The following B3GAT2 variants were observed in gnomAD, a reference collection of about 807,000 sequenced individuals.
B3GAT2 encodes galactosylgalactosylxylosylprotein 3-beta-glucuronosyltransferase 2.
Under a neutral mutation model 27.8 loss-of-function variants are expected in B3GAT2, and 26 were observed. The observed-to-expected ratio is 0.93, with a 90% CI of 0.68 to 1.30. B3GAT2 has a LOEUF of 1.30. Among genes scored for constraint, B3GAT2 ranks in the 50% most tolerant of loss-of-function variants. B3GAT2 has a pLI of 0.00. For missense variants in B3GAT2, 458 were observed against 459.0 expected, an observed-to-expected ratio of 1.00 and a Z score of 0.02; for synonymous variants, 218 against 195.1, an observed-to-expected ratio of 1.12 and a Z score of -0.98.
At chr6:70,875,871 C>G (rs531113679) in intron 2 of B3GAT2, among the ~76,000 whole-genome samples, 2 of 152,280 alleles carry the variant, frequency 1.3e-5, no homozygotes, top group Middle Eastern at 3.4e-3. Context: ...TCATTTAAAT[C>G]TCTACTCTGA....
At chr6:70,863,849 C>G (rs765960674) in intron 2 of B3GAT2, among the ~76,000 whole-genome samples, 1 of 152,006 alleles carries the variant, frequency 6.6e-6, no homozygotes, top group East Asian at 1.9e-4. Context: ...TGGGAAAGTT[C>G]CAGGTAGCAA....
rs1771691050 is a variant in B3GAT2, at chr6:70,860,867, G to A, written c.*796C>T. The A allele has an allele frequency of 1.3e-5, 5 of 393,494 alleles. No homozygotes were observed. The highest frequency in any genetic ancestry group is 4.4e-5 in the Admixed American group (1 of 22,600). The allele number at this position is 393,494 out of a possible 1,614,324, so 24.4% of individuals were successfully genotyped here. A position where few individuals can be genotyped will look rare whatever the true frequency, so the allele number is the denominator to read the frequency against. ...TGTTATGATGTGCTTAACAGGGAAC[G>A]TGATTAGTGAAAGGAAGATAAACGT... is the stretch of plus-strand genomic sequence containing the variant. On this transcript the variant is annotated 3_prime_UTR_variant, in exon 4 of 4. Transcript: ENST00000230053.
At chr6:70,866,038 ACT>A (rs1293199257) in intron 2 of B3GAT2, among the ~76,000 whole-genome samples, 1 of 152,154 alleles carries the variant, frequency 6.6e-6, no homozygotes, top group Non-Finnish European at 1.5e-5. Context: ...AGAAGGAAGA[ACT>A]CTGCTGATCT....
At chr6:70,889,005 G>C (rs1262133136) in intron 2 of B3GAT2, among the ~76,000 whole-genome samples, 1 of 152,174 alleles carries the variant, frequency 6.6e-6, no homozygotes, top group Non-Finnish European at 1.5e-5. Context: ...CTCTCTGCTA[G>C]ATACAAAACT....
chr6:70,935,315 A>G (rs1471516952), intron 1 of B3GAT2, among the ~76,000 whole-genome samples: 1 of 151,932 alleles, frequency 6.6e-6, no homozygotes, highest in Non-Finnish European at 1.5e-5. Context: ...TTAGCCAGGT[A>G]TGGTGGCATG....
chr6:70,875,129 G>C (rs1035814964), intron 2 of B3GAT2, among the ~76,000 whole-genome samples: 2 of 151,962 alleles, frequency 1.3e-5, no homozygotes, highest in African/African-American at 4.8e-5. Context: ...AGAATATTCA[G>C]AAGTCCTTAC....
chr6:70,956,092 C>T lies in B3GAT2; in HGVS notation c.338G>A (p.Trp113Ter). Residue 113 changes from tryptophan (W) to a stop codon, truncating the protein, a stop_gained, in exon 1 of 4, where the codon TGG becomes TAG. Coordinates refer to ENST00000230053, the MANE Select transcript of B3GAT2 (RefSeq NM_080742.3). LOFTEE classifies it high-confidence loss of function. ...NTFRQVAQLHWILVEDAAARS... is the reference protein window; with the variant it reads ...NTFRQVAQLH The stretch of plus-strand genomic sequence containing the variant: ...CGCCGCCGCGTCCTCCACCAGGATC[C>T]AGTGCAGCTGCGCCACCTGGCGGAA... 1 of 1,599,472 alleles carries T rather than the reference C, an allele frequency of 6.3e-7. No individual in the cohort carries two copies. The highest frequency in any genetic ancestry group is 8.5e-7 in the Non-Finnish European group (1 of 1,175,054).
intron 1 of B3GAT2, among the ~76,000 whole-genome samples, chr6:70,906,746 T>G (rs1390651283): frequency 6.6e-6 from 1 of 152,194 alleles, no homozygotes; most frequent in Non-Finnish European, 1.5e-5. Flanking sequence ...TTTCTTATTC[T>G]TTAATCCGAT....
intron 2 of B3GAT2, among the ~76,000 whole-genome samples, chr6:70,880,457 A>C (rs1240567924): frequency 6.6e-6 from 1 of 152,098 alleles, no homozygotes; most frequent in Non-Finnish European, 1.5e-5. Context: ...CTGGCAATGG[A>C]ATCACTCTCA....
chr6:70,917,414 A>G (rs748909058), intron 1 of B3GAT2, among the ~76,000 whole-genome samples: 3 of 150,562 alleles, frequency 2.0e-5, no homozygotes, highest in Non-Finnish European at 4.4e-5. Context: ...TTCTGCTCTG[A>G]TTTATTTCTT....
intron 1 of B3GAT2, among the ~76,000 whole-genome samples, chr6:70,927,556 A>G (rs1009734783): frequency 2.0e-5 from 3 of 152,216 alleles, no homozygotes; most frequent in African/African-American, 7.2e-5. Flanking sequence ...CTTTAAACCA[A>G]CAAAGATCAA....
intron 1 of B3GAT2, among the ~76,000 whole-genome samples, chr6:70,940,182 C>T (rs1422711411): frequency 6.6e-6 from 1 of 152,154 alleles, no homozygotes; most frequent in Non-Finnish European, 1.5e-5. Context: ...CACACACCCA[C>T]ACCCTCTCTC....
chr6:70,873,314 G>C (rs1397406992), intron 2 of B3GAT2, among the ~76,000 whole-genome samples: 2 of 152,152 alleles, frequency 1.3e-5, no homozygotes, highest in African/African-American at 4.8e-5. Context: ...TTGAAGGATA[G>C]TTTTGCTGGA....
Position 70,956,042 on chromosome 6 carries a change from G to T in B3GAT2, c.388C>A (p.Leu130Met). The T allele has an allele frequency of 1.3e-6, 2 of 1,568,546 alleles. No homozygotes were observed. Among genetic ancestry groups the T allele is most frequent in the Non-Finnish European group, 1.7e-6 (2 of 1,164,376 alleles). ...GTGCTGGGCAGCCCGGCCCGCGCCAGGAAGCGGCTCACCAGCTCGCTGCGC... is the reference window on the plus strand; with the variant it reads ...GTGCTGGGCAGCCCGGCCCGCGCCATGAAGCGGCTCACCAGCTCGCTGCGC... ...AARSELVSRF[L>M]ARAGLPSTHL... Residue 130 changes from leucine to methionine, a missense_variant, in exon 1 of 4, where the codon CTG becomes ATG. Leu to Met is a conservative substitution (Grantham distance 15, BLOSUM62 2). Transcript: ENST00000230053.
At chr6:70,914,039 G>A (rs1228876889) in intron 1 of B3GAT2, among the ~76,000 whole-genome samples, 1 of 152,008 alleles carries the variant, frequency 6.6e-6, no homozygotes, top group Admixed American at 6.6e-5. Flanking sequence ...CATTTACTTG[G>A]TAGATTTTTC....
intron 2 of B3GAT2, among the ~76,000 whole-genome samples, chr6:70,889,910 T>G (rs1309372756): frequency 7.2e-5 from 11 of 151,834 alleles, no homozygotes; most frequent in Non-Finnish European, 2.9e-5. Flanking sequence ...GCCTCCTGAG[T>G]AGCTGGGATT....
At chr6:70,939,926 G>T (rs1256634715) in intron 1 of B3GAT2, among the ~76,000 whole-genome samples, 1 of 151,982 alleles carries the variant, frequency 6.6e-6, no homozygotes, top group East Asian at 1.9e-4. Flanking sequence ...ATAAAATGTA[G>T]ATGTCAATTA....
intron 2 of B3GAT2, among the ~76,000 whole-genome samples, chr6:70,868,673 G>A (rs1771889206): frequency 6.6e-6 from 1 of 152,092 alleles, no homozygotes; most frequent in African/African-American, 2.4e-5. Flanking sequence ...CTTGACACAT[G>A]TTTAGTGTTA....
chr6:70,878,031 G>A (rs918079119), intron 2 of B3GAT2, among the ~76,000 whole-genome samples: 1 of 152,076 alleles, frequency 6.6e-6, no homozygotes, highest in Non-Finnish European at 1.5e-5. Flanking sequence ...TTATTTGTTA[G>A]TTTCTAGTGT....
Sources: gnomAD v4.1 joint callset for allele counts (sites outside exome capture counted in the v4.1 genomes callset) on GRCh38, gnomAD v4.1.1 for gene constraint, MANE v1.5 for transcripts, NCBI Gene and HGNC (gene_info 2026-07-23, HGNC 2026-07-21) for gene names.